The following PHEX variants were observed in gnomAD, a reference collection of about 807,000 sequenced individuals.
The protein encoded by PHEX is phosphate regulating endopeptidase X-linked.
A neutral mutation model predicts 68.0 loss-of-function variants in PHEX; 16 were observed. The ratio of observed to expected loss-of-function variants is 0.24; its 90% CI spans 0.16 to 0.36. The LOEUF (loss-of-function observed/expected upper bound fraction) is 0.36. Among genes scored for constraint, PHEX ranks in the 10% least tolerant of loss-of-function variants. PHEX has a pLI of 1.00. For synonymous variants in PHEX, 208 were observed against 205.1 expected, an observed-to-expected ratio of 1.01 and a Z score of -0.12; for missense variants, 480 against 575.5, an observed-to-expected ratio of 0.83 and a Z score of 1.70.
At chrX:22,086,652 T>C (rs1486197926) in intron 5 of PHEX, among the ~76,000 whole-genome samples, 1 of 111,415 alleles carries the variant, frequency 9.0e-6, no homozygotes, top group Non-Finnish European at 1.9e-5. Flanking sequence ...TGCTGTATAT[T>C]TGTTTTTAGT....
intron 20 of PHEX, among the ~76,000 whole-genome samples, chrX:22,228,611 CA>C (rs959600575): frequency 2.7e-5 from 3 of 111,883 alleles, no homozygotes; most frequent in African/African-American, 9.7e-5. Context: ...TCTATCATCA[CA>C]TCCCATCTTT....
intron 12 of PHEX, among the ~76,000 whole-genome samples, chrX:22,149,192 C>T (rs905628313): frequency 8.9e-6 from 1 of 111,770 alleles, no homozygotes; most frequent in African/African-American, 3.3e-5. Flanking sequence ...GTGAAGGGGA[C>T]AGGTCTGCCA....
rs896273068 is a variant in PHEX at position 22,184,303 on chromosome X, G to C, written c.1586+5927G>C. 6.0e-4 allele frequency among the ~76,000 whole-genome samples: 66 copies of C among 109,586 alleles called. 1 individual carries two copies. Among genetic ancestry groups the C allele is most frequent in the African/African-American group, 2.0e-3 (60 of 30,037 alleles). On this transcript the variant is annotated intron_variant, in intron 14 of 21. Transcript: ENST00000379374. Reference sequence around the variant, plus strand: ...TTTTCAGGCATTGTAGAGACTTTTAGCCTCATGATACTCATTGGCTTGAAT... The same window carrying C: ...TTTTCAGGCATTGTAGAGACTTTTACCCTCATGATACTCATTGGCTTGAAT...
chrX:22,098,795 C>CAAAAAAAAAA lies in PHEX; in HGVS notation c.934-188_934-179dup. 3.9e-3 allele frequency among the ~76,000 whole-genome samples: 44 copies of CAAAAAAAAAA among 11,368 alleles called. 5 individuals carry two copies. Among genetic ancestry groups the CAAAAAAAAAA allele is most frequent in the African/African-American group, 6.9e-3 (31 of 4,516 alleles). The allele number at this position is 11,368 out of a possible 115,157, so 9.9% of individuals were successfully genotyped here. The stretch of plus-strand genomic sequence containing the variant: ...CCTGGGTGATAGAGCGAGAATGTCT[C>CAAAAAAAAAA]AAAAAAAAAAAAAAAAAAAAAAAAA... On this transcript the variant is annotated intron_variant, in intron 8 of 21. Coordinates refer to ENST00000379374, the MANE Select transcript of PHEX (RefSeq NM_000444.6).
In PHEX at chrX:22,156,420, C is replaced by G. The variant is rs146880403; in HGVS notation, c.1405-11892C>G. ...CTTTTGGAAGTCTCTGCTTGTAGGC[C>G]GATAAGGGAAGCATGGAGAAAGCCT... is the stretch of plus-strand genomic sequence containing the variant. On this transcript the variant is annotated intron_variant, in intron 12 of 21. Coordinates refer to ENST00000379374, the MANE Select transcript of PHEX (RefSeq NM_000444.6). 6.3e-3 allele frequency among the ~76,000 whole-genome samples: 684 copies of G among 108,806 alleles called. 4 individuals carry two copies. Among genetic ancestry groups the G allele is most frequent in the African/African-American group, 0.022 (645 of 29,926 alleles). 94.5% of individuals were successfully genotyped at this position (108,806 alleles called of 115,157 possible).
chrX:22,142,862 T>C (rs1460419487), intron 12 of PHEX, among the ~76,000 whole-genome samples: 1 of 112,675 alleles, frequency 8.9e-6, no homozygotes, highest in Non-Finnish European at 1.9e-5. Flanking sequence ...CAATGTATTG[T>C]TCTGTTTAAA....
rs1057517787 is a variant in PHEX at position 22,076,464 on chromosome X, C to T, written c.426C>T (p.Cys142=). Residue 142 remains cysteine (C), a synonymous_variant, in exon 4 of 22, where the codon TGC becomes TGT. Transcript: ENST00000379374. ...IQKAKILYSS[C]MNEKAIEKAD... ...AAGCCAAAATCCTTTATTCATCCTG[C>T]ATGAATGAGAGTGAGTGATGAAGAA... 8.6e-7 allele frequency: 1 copy of T among 1,158,250 alleles called. No individual in the cohort carries two copies. The highest frequency in any genetic ancestry group is 1.2e-6 in the Non-Finnish European group (1 of 846,578).
At chrX:22,038,769 A>C (rs1927139845) in intron 2 of PHEX, among the ~76,000 whole-genome samples, 1 of 111,751 alleles carries the variant, frequency 8.9e-6, no homozygotes, top group African/African-American at 3.3e-5. Flanking sequence ...CGTTGTTACA[A>C]GGAAATCAGG....
At chrX:22,099,640 G>A (rs780453337) in intron 9 of PHEX, among the ~76,000 whole-genome samples, 1 of 111,001 alleles carries the variant, frequency 9.0e-6, no homozygotes, top group East Asian at 2.8e-4. Context: ...ACAACTTTAG[G>A]AACTGCCAGG....
chrX:22,193,215 A>G (rs1429970042), intron 15 of PHEX, among the ~76,000 whole-genome samples: 1 of 111,258 alleles, frequency 9.0e-6, no homozygotes, highest in Non-Finnish European at 1.9e-5. Context: ...AGGACATTCT[A>G]TTGGGAAATA....
chrX:22,072,426 T>G (rs1048872074), intron 3 of PHEX, among the ~76,000 whole-genome samples: 7 of 110,299 alleles, frequency 6.3e-5, no homozygotes, highest in African/African-American at 1.6e-4. Flanking sequence ...AAAAGAAAAA[T>G]AAAATAAAAT....
rs111298698 is a variant in PHEX, at chrX:22,072,352, C to T, written c.350-4036C>T. On this transcript the variant is annotated intron_variant, in intron 3 of 21. Coordinates refer to ENST00000379374, the MANE Select transcript of PHEX (RefSeq NM_000444.6). ...CGTGAACCTGGGAGGTGGAGATTGC[C>T]GTGAGCCGAGATCAAGCCACTGCAC... Among the ~76,000 whole-genome samples the T allele has an allele frequency of 1.0e-4, 11 of 107,836 alleles. 1 individual carries two copies. The South Asian group carries it at 2.4e-3, about 24-fold the overall frequency. 93.6% of individuals were successfully genotyped at this position (107,836 alleles called of 115,157 possible).
intron 18 of PHEX, among the ~76,000 whole-genome samples, chrX:22,225,641 T>C (rs1365310963): frequency 6.2e-5 from 7 of 112,344 alleles, no homozygotes; most frequent in African/African-American, 2.3e-4. Flanking sequence ...AACACCAAAA[T>C]TTGAATTTCA....
rs1369581174 is a variant in PHEX, at chrX:22,249,646, G to C, written c.*1693G>C. 1.9e-5 allele frequency: 2 copies of C among 105,933 alleles called. No homozygotes were observed. The highest frequency in any genetic ancestry group is 7.0e-5 in the African/African-American group (2 of 28,582). 8.7% of individuals were successfully genotyped at this position (105,933 alleles called of 1,213,427 possible). ...TCTTCCTCTCTGAATGGATAAACTT[G>C]TGAAGGGCAGCTACCTTGTCCTCCT... On this transcript the variant is annotated 3_prime_UTR_variant, in exon 22 of 22. Transcript: ENST00000379374.
intron 12 of PHEX, among the ~76,000 whole-genome samples, chrX:22,140,672 G>T (rs1932419025): frequency 9.1e-6 from 1 of 109,840 alleles, no homozygotes; most frequent in Admixed American, 9.7e-5. Flanking sequence ...AGTAGAGATG[G>T]GGTTTTGCTA....
intron 7 of PHEX, among the ~76,000 whole-genome samples, chrX:22,096,444 T>A (rs1930139222): frequency 9.0e-6 from 1 of 111,672 alleles, no homozygotes; most frequent in Non-Finnish European, 1.9e-5. Context: ...GCTAGGGAAA[T>A]CTCAAGGCCA....
intron 3 of PHEX, among the ~76,000 whole-genome samples, chrX:22,071,995 G>A (rs1227847777): frequency 8.9e-6 from 1 of 112,288 alleles, no homozygotes; most frequent in Non-Finnish European, 1.9e-5. Flanking sequence ...GGGAGGCTGA[G>A]GCGGGTGGAT....
chrX:22,203,797 G>A (rs914698968), intron 15 of PHEX, among the ~76,000 whole-genome samples: 9 of 112,027 alleles, frequency 8.0e-5, no homozygotes, highest in Non-Finnish European at 1.5e-4. Context: ...AAAGTATAGT[G>A]TGCAAAATTT....
At chrX:22,081,437 C>T (rs775288626) in intron 5 of PHEX, among the ~76,000 whole-genome samples, 2 of 111,758 alleles carry the variant, frequency 1.8e-5, no homozygotes, top group Admixed American at 1.9e-4. Flanking sequence ...ATCCCTCTTA[C>T]CTGAAACTCT....
Sources: allele counts gnomAD v4.1 joint callset (sites outside exome capture counted in the v4.1 genomes callset), GRCh38; gene constraint gnomAD v4.1.1; transcripts MANE v1.5; gene names NCBI Gene and HGNC (gene_info 2026-07-23, HGNC 2026-07-21).